ZFR2: variants seen among roughly 807,000 people sequenced by gnomAD.
The protein encoded by ZFR2 is zinc finger RNA binding protein 2.
Under a neutral mutation model 105.7 loss-of-function variants are expected in ZFR2, and 104 were observed. That is an observed-to-expected ratio of 0.98 (90% CI 0.84 to 1.16). The LOEUF is 1.16. Among genes scored for constraint, ZFR2 ranks in the 50% most tolerant of loss-of-function variants. ZFR2 has a pLI of 0.00. For missense variants in ZFR2, 1,425 were observed against 1,355.5 expected (o/e 1.05, Z -0.80); for synonymous variants, 634 against 597.7 (o/e 1.06, Z -0.89).
chr19:3,847,354 T>C (rs1362904464), intron 1 of ZFR2, among the ~76,000 whole-genome samples: 1 of 151,902 alleles, frequency 6.6e-6, no homozygotes, highest in Non-Finnish European at 1.5e-5. Context: ...TGAAAGCCCA[T>C]CTCTACTAAA....
intron 6 of ZFR2, among the ~76,000 whole-genome samples, chr19:3,826,200 T>C (rs1356099573): frequency 1.3e-5 from 2 of 152,090 alleles, no homozygotes; most frequent in Non-Finnish European, 2.9e-5. Flanking sequence ...TCCCTGCTCA[T>C]TCCTCTTTCC....
intron 1 of ZFR2, among the ~76,000 whole-genome samples, chr19:3,844,056 G>C (rs1472479143): frequency 1.3e-5 from 2 of 151,202 alleles, no homozygotes; most frequent in African/African-American, 4.9e-5. Flanking sequence ...AGGGGAGTGA[G>C]TGTTTCACGG....
rs760023987 is a variant in ZFR2 at position 3,809,024 on chromosome 19, C to T, written c.2434-41G>A. On this transcript the variant is annotated intron_variant, in intron 16 of 18. Transcript: ENST00000262961. ...GAGCAGTTGCTGTGTTTTGGGCGCG[C>T]GGCAGCCCCTGCCTGCCCGGGAGGT... 33 of 1,474,606 alleles carry T rather than the reference C, an allele frequency of 2.2e-5. No individual in the cohort carries two copies. The East Asian group carries it at 5.2e-4, about 23-fold the overall frequency. 91.3% of individuals were successfully genotyped at this position (1,474,606 alleles called of 1,614,324 possible). A position where few individuals can be genotyped will look rare whatever the true frequency, so the allele number is the denominator to read the frequency against.
rs921930613 is a variant in ZFR2, at chr19:3,820,294, C to T, written c.1632-4G>A. The T allele has an allele frequency of 7.8e-6, 12 of 1,542,940 alleles. No homozygotes were observed. The highest frequency in any genetic ancestry group is 2.7e-5 in the African/African-American group (2 of 72,826). ...GGGTGGCTCCTCCTCCAGCCGCCTG[C>T]AGGACCGAGACGTGACAGAGCATGG... On this transcript the variant is annotated splice_polypyrimidine_tract_variant and splice_region_variant and intron_variant, in intron 10 of 18. Transcript: ENST00000262961.
At chr19:3,810,727 C>G in intron 16 of ZFR2, 23 bp downstream of exon 16, 4 of 1,543,034 alleles carry the variant, frequency 2.6e-6, no homozygotes, top group Non-Finnish European at 2.6e-6. Context: ...AGTGGAGGGC[C>G]GGGCCGCCAG....
At chr19:3,852,483 C>G in intron 1 of ZFR2, 1 of 718,570 alleles carries the variant, frequency 1.4e-6, no homozygotes. Context: ...TAAGATGGAG[C>G]AGATGCAGGC....
rs769576096 is a variant in ZFR2, at chr19:3,834,665, C to T, written c.264+108G>A. The T allele has an allele frequency of 3.7e-5, 45 of 1,202,894 alleles. No homozygotes were observed. The highest frequency in any genetic ancestry group is 1.2e-4 in the Admixed American group (6 of 49,698). The allele number at this position is 1,202,894 out of a possible 1,614,324, so 74.5% of individuals were successfully genotyped here. ...CAGAAGGGTCCCGAAGGAAGGATCA[C>T]GGTTAAGAGGCCTGGGAGAAGGAGT... On this transcript the variant is annotated intron_variant, in intron 2 of 18. Transcript: ENST00000262961. The surrounding 1 kb of genome is among the most constrained non-coding windows in gnomAD (Gnocchi z 5.3).
At chr19:3,841,220 C>G (rs990382830) in intron 1 of ZFR2, among the ~76,000 whole-genome samples, 27 of 152,234 alleles carry the variant, frequency 1.8e-4, no homozygotes, top group African/African-American at 4.8e-5. Flanking sequence ...AAGACCACCC[C>G]CTTCGCAAAC....
At position 3,808,756 on chromosome 19, in the gene ZFR2, GC is replaced by G. The variant is rs1210567039; in HGVS notation, c.2545+115del. 3 of 883,794 alleles carry G rather than the reference GC, an allele frequency of 3.4e-6. No homozygotes were observed. In the East Asian group the frequency reaches 8.7e-5, roughly 26 times the overall value. 54.7% of individuals were successfully genotyped at this position (883,794 alleles called of 1,614,324 possible). On this transcript the variant is annotated intron_variant, in intron 17 of 18. Coordinates refer to ENST00000262961, the MANE Select transcript of ZFR2 (RefSeq NM_015174.2). ...TGTGTGTGTTGTGGGCCGCACTCCT[GC>G]CTGGGCTGGACACTTCCTCTGTGTC...
Position 3,813,761 on chromosome 19 carries a change from G to C in ZFR2, c.2242+59C>G. On this transcript the variant is annotated intron_variant, in intron 14 of 18. Coordinates refer to ENST00000262961, the MANE Select transcript of ZFR2 (RefSeq NM_015174.2). This position sits in a 1 kb window ranked among gnomAD's most constrained non-coding sequence, Gnocchi z 4.4. ...GGACGCTGCCCCAGGCCTGGGTGTG[G>C]GGAGCGCCCTGGGGAAGCGTGAGGG... 1 of 1,599,190 alleles carries C rather than the reference G, an allele frequency of 6.3e-7. No homozygotes were observed. Among genetic ancestry groups the C allele is most frequent in the Non-Finnish European group, 8.5e-7 (1 of 1,171,716 alleles).
intron 1 of ZFR2, among the ~76,000 whole-genome samples, chr19:3,862,449 C>T (rs2038384349): frequency 6.6e-6 from 1 of 152,138 alleles, no homozygotes; most frequent in Admixed American, 6.5e-5. Context: ...AGGCACGTGC[C>T]ACCACACCCA....
At chr19:3,841,614 A>AT (rs1428775381) in intron 1 of ZFR2, among the ~76,000 whole-genome samples, 8 of 151,410 alleles carry the variant, frequency 5.3e-5, no homozygotes, top group African/African-American at 1.7e-4. Context: ...GAGCCCAGGA[A>AT]TTTGAGACAT....
chr19:3,821,311 C>A, intron 10 of ZFR2, 29 bp downstream of exon 10: 1 of 1,545,850 alleles, frequency 6.5e-7, no homozygotes, highest in Non-Finnish European at 8.7e-7. Flanking sequence ...CCTCACCAGG[C>A]CCCCTTGCCA....
chr19:3,834,902 C>T lies in ZFR2; in HGVS notation c.135G>A (p.Val45=), dbSNP rs189570567. 6.2e-7 allele frequency: 1 copy of T among 1,611,754 alleles called. No individual in the cohort carries two copies. Among genetic ancestry groups the T allele is most frequent in the Admixed American group, 1.7e-5 (1 of 59,676 alleles). ...GGGCAGCTGGGGGAAAGGCCGGGTT[C>T]ACGGCAGGGTCCATCCCAGGAGTGG... ...AQPTPGMDPA[V]NPAFPPAAPA... Residue 45 remains valine, a synonymous_variant, in exon 2 of 19, where the codon GTG becomes GTA. Transcript: ENST00000262961. The surrounding 1 kb of genome is among the most constrained non-coding windows in gnomAD (Gnocchi z 5.3).
intron 1 of ZFR2, among the ~76,000 whole-genome samples, chr19:3,856,359 G>A (rs539813231): frequency 6.6e-6 from 1 of 152,298 alleles, no homozygotes; most frequent in Admixed American, 6.5e-5. Flanking sequence ...AGAGGCCTGC[G>A]CTGGAGTCAG....
At chr19:3,833,961 G>A (rs1340528578) in intron 2 of ZFR2, among the ~76,000 whole-genome samples, 183 bp from the exon 3 acceptor site, 1 of 152,118 alleles carries the variant, frequency 6.6e-6, no homozygotes, top group Non-Finnish European at 1.5e-5. Flanking sequence ...GGGGCAGGGG[G>A]CAGGGGGCGT....
At position 3,838,830 on chromosome 19, in the gene ZFR2, C is replaced by A. The variant is rs79258351; in HGVS notation, c.54-3847G>T. Reference sequence around the variant, plus strand: ...TGCACGTCTGTCCACAGGCCGTCTCCTCCCTGGTCCCGATGCCCTGAGATG... The same window carrying A: ...TGCACGTCTGTCCACAGGCCGTCTCATCCCTGGTCCCGATGCCCTGAGATG... On this transcript the variant is annotated intron_variant, in intron 1 of 18. Coordinates refer to ENST00000262961, the MANE Select transcript of ZFR2 (RefSeq NM_015174.2). The surrounding 1 kb of genome is among the most constrained non-coding windows in gnomAD (Gnocchi z 4.9). Among the ~76,000 whole-genome samples, 2 of 152,308 alleles carry A rather than the reference C, an allele frequency of 1.3e-5. No homozygotes were observed. Among genetic ancestry groups the A allele is most frequent in the Non-Finnish European group, 2.9e-5 (2 of 68,030 alleles).
At position 3,808,980 on chromosome 19, in the gene ZFR2, T is replaced by C. The variant is rs764897773; in HGVS notation, c.2437A>G (p.Met813Val). ...PTWGALPAWA[M>V]ELLVEKAVSS... is the part of the protein sequence containing the mutation. The stretch of plus-strand genomic sequence containing the variant: ...ACAGCCTTCTCCACCAGCAGCTCCA[T>C]GGCCTGGTGGGGACAGAAGAGCAGT... Residue 813 changes from methionine (M) to valine (V), a missense_variant, in exon 17 of 19, where the codon ATG becomes GTG. By Grantham distance (21) the Met-to-Val change is conservative (BLOSUM62 1). Coordinates refer to ENST00000262961, the MANE Select transcript of ZFR2 (RefSeq NM_015174.2). The C allele has an allele frequency of 5.2e-6, 8 of 1,550,078 alleles. No homozygotes were observed. The highest frequency in any genetic ancestry group is 1.9e-5 in the Admixed American group (1 of 51,636).
At chr19:3,852,426 C>T (rs1358694578) in intron 1 of ZFR2, 1 of 715,448 alleles carries the variant, frequency 1.4e-6, no homozygotes. Context: ...CCTTATATCT[C>T]CTCCTCCAGC....
Sources: allele counts gnomAD v4.1 joint callset (sites outside exome capture counted in the v4.1 genomes callset), GRCh38; gene constraint gnomAD v4.1.1; non-coding constraint Gnocchi (gnomAD v3.1); transcripts MANE v1.5; gene names NCBI Gene and HGNC (gene_info 2026-07-23, HGNC 2026-07-21).